CLCN3: variants seen among roughly 807,000 people sequenced by gnomAD.
CLCN3 encodes Cl-/H+ antiporter 3, also known as H(+)/Cl(-) exchange transporter 3.
CLCN3 carries 16 observed loss-of-function variants against 83.4 expected under a neutral mutation model. The ratio of observed to expected loss-of-function variants is 0.19; its 90% CI spans 0.13 to 0.29. The LOEUF is 0.29. CLCN3 is among the 10% of genes least tolerant of loss of function. The pLI is 1.00. For missense variants in CLCN3, 544 were observed against 1,006.0 expected (o/e 0.54, Z 6.21); for synonymous variants, 322 against 346.2 (o/e 0.93, Z 0.78).
At chr4:169,683,294 T>A (rs1732018657) in intron 3 of CLCN3, among the ~76,000 whole-genome samples, 1 of 152,120 alleles carries the variant, frequency 6.6e-6, no homozygotes, top group Non-Finnish European at 1.5e-5. Context: ...CCCAGGAGTT[T>A]GAGACCAGCC....
intron 7 of CLCN3, among the ~76,000 whole-genome samples, chr4:169,692,959 T>TG (rs1321969589): frequency 2.6e-5 from 4 of 152,238 alleles, no homozygotes; most frequent in African/African-American, 9.6e-5. Flanking sequence ...GTTTCCATAT[T>TG]GCTCTGGGCA....
In CLCN3 at chr4:169,713,121, G is replaced by C. The variant is rs758786674; in HGVS notation, c.2192G>C (p.Arg731Pro). The part of the protein sequence containing the change: ...KKQEGIVGSS[R>P]VCFAQHTPSL... ...CAAGAAGGTATCGTTGGCAGTTCTC[G>C]GGTGTGTTTTGCACAGCACACCCCA... The change falls in exon 12 of 13, where the codon CGG becomes CCG. Residue 731 changes from arginine (R) to proline (P), a missense_variant. Physicochemically the swap from Arg to Pro is moderately radical, Grantham distance 103 (BLOSUM62 -2). Transcript: ENST00000513761. 6.2e-7 allele frequency: 1 copy of C among 1,614,072 alleles called. No homozygotes were observed.
chr4:169,662,103 C>T (rs1423876078), intron 2 of CLCN3, among the ~76,000 whole-genome samples: 2 of 152,008 alleles, frequency 1.3e-5, no homozygotes, highest in African/African-American at 4.8e-5. Context: ...GTAAAATATG[C>T]AAATAATAAG....
intron 2 of CLCN3, chr4:169,660,319 C>A: frequency 7.3e-7 from 1 of 1,370,018 alleles, no homozygotes; most frequent in Non-Finnish European, 9.3e-7. Context: ...TCTTTTTAAG[C>A]TAGCAAGCTT....
At chr4:169,622,150 T>A (rs1773126476) in intron 1 of CLCN3, among the ~76,000 whole-genome samples, 1 of 152,202 alleles carries the variant, frequency 6.6e-6, no homozygotes, top group Admixed American at 6.5e-5. Flanking sequence ...GAATGATGAG[T>A]CACATTATTT....
intron 2 of CLCN3, chr4:169,660,140 G>A (rs1731002510): frequency 9.0e-7 from 1 of 1,108,598 alleles, no homozygotes; most frequent in East Asian, 5.0e-5. Context: ...CCGCCTCTAA[G>A]CCTTGCTAGA....
chr4:169,642,662 G>C (rs1393820965), intron 2 of CLCN3: 1 of 152,256 alleles, frequency 6.6e-6, no homozygotes, highest in Non-Finnish European at 1.5e-5. Context: ...GGGACTACAG[G>C]TGTGCACCAC....
chr4:169,720,025 CG>C lies in CLCN3; in HGVS notation c.*30del, dbSNP rs1489989445. The C allele has an allele frequency of 7.4e-6, 12 of 1,613,006 alleles. No homozygotes were observed. The highest frequency in any genetic ancestry group is 1.0e-5 in the Non-Finnish European group (12 of 1,179,492). ...CTCACAGATGAGGAGAGAGAAGAAA[CG>C]GAAGAGGAAGTTTATTTGTTGAATA... On this transcript the variant is annotated 3_prime_UTR_variant, in exon 13 of 13. Coordinates refer to ENST00000513761, the MANE Select transcript of CLCN3 (RefSeq NM_001829.4).
intron 2 of CLCN3, among the ~76,000 whole-genome samples, chr4:169,678,899 C>A (rs1225012010): frequency 1.3e-5 from 2 of 152,244 alleles, no homozygotes; most frequent in Non-Finnish European, 2.9e-5. Context: ...CCATCCTCAC[C>A]ATGGCCCGTT....
intron 2 of CLCN3, among the ~76,000 whole-genome samples, chr4:169,640,367 A>G (rs888125473): frequency 1.3e-5 from 2 of 152,218 alleles, no homozygotes; most frequent in Non-Finnish European, 2.9e-5. Flanking sequence ...ACTTCAGTAG[A>G]TATCTGTTGC....
At chr4:169,692,676 G>A (rs1581256824) in intron 7 of CLCN3, among the ~76,000 whole-genome samples, 1 of 152,138 alleles carries the variant, frequency 6.6e-6, no homozygotes, top group South Asian at 2.1e-4. Flanking sequence ...TAAGAGGTTG[G>A]GAAATCTTAA....
At chr4:169,710,544 G>A (rs1733171548) in intron 11 of CLCN3, among the ~76,000 whole-genome samples, 1 of 152,232 alleles carries the variant, frequency 6.6e-6, no homozygotes, top group South Asian at 2.1e-4. Flanking sequence ...GGGATTACAA[G>A]TGTGAGCCAC....
At chr4:169,637,072 G>T (rs2150203187) in intron 2 of CLCN3, among the ~76,000 whole-genome samples, 1 of 152,190 alleles carries the variant, frequency 6.6e-6, no homozygotes. Flanking sequence ...CAGTGTGGTT[G>T]CAGTAGTCTC....
chr4:169,635,918 C>CA lies in CLCN3; in HGVS notation c.-10dup. 1 of 1,538,334 alleles carries CA rather than the reference C, an allele frequency of 6.5e-7. No individual in the cohort carries two copies. Among genetic ancestry groups the CA allele is most frequent in the Non-Finnish European group, 8.8e-7 (1 of 1,139,532 alleles). On this transcript the variant is annotated 5_prime_UTR_variant, in exon 2 of 13. Transcript: ENST00000513761. ...CTACTTTTTCCCCCCCACAGATAAT[C>CA]AGACAGCTAAATGGAGTCTGAGCAG...
intron 2 of CLCN3, among the ~76,000 whole-genome samples, chr4:169,673,494 A>G (rs1232075275): frequency 1.3e-5 from 2 of 152,088 alleles, no homozygotes; most frequent in African/African-American, 2.4e-5. Context: ...CACGCTGTAA[A>G]TAGCTTGAAA....
chr4:169,671,690 C>T (rs1480095916), intron 2 of CLCN3, among the ~76,000 whole-genome samples: 1 of 152,144 alleles, frequency 6.6e-6, no homozygotes. Flanking sequence ...GAATCGTGTT[C>T]TCCATGCTCT....
chr4:169,694,189 T>C (rs902134661), intron 7 of CLCN3, among the ~76,000 whole-genome samples: 2 of 152,170 alleles, frequency 1.3e-5, no homozygotes, highest in African/African-American at 2.4e-5. Context: ...AAAACAAATA[T>C]TTATTTACTT....
At chr4:169,628,383 G>A (rs549244506) in intron 1 of CLCN3, among the ~76,000 whole-genome samples, 43 of 152,082 alleles carry the variant, frequency 2.8e-4, no homozygotes, top group African/African-American at 1.0e-3. Context: ...ACTAGAGAGG[G>A]GAGAAAATAT....
chr4:169,699,104 G>A (rs913850669), intron 9 of CLCN3, among the ~76,000 whole-genome samples: 1 of 152,168 alleles, frequency 6.6e-6, no homozygotes, highest in Non-Finnish European at 1.5e-5. Flanking sequence ...GCAACGTAAT[G>A]TAATCACAGG....
Sources: allele counts gnomAD v4.1 joint callset (sites outside exome capture counted in the v4.1 genomes callset), GRCh38; gene constraint gnomAD v4.1.1; transcripts MANE v1.5; gene names NCBI Gene and HGNC (gene_info 2026-07-23, HGNC 2026-07-21).